Variants in ZNF331 observed in about 807,000 individuals in gnomAD.
ZNF331 encodes the protein C2H2-like zinc finger protein rearranged in thyroid adenomas.
Under a neutral mutation model 7.0 loss-of-function variants are expected in ZNF331, and 2 were observed. That is an observed-to-expected ratio of 0.29 (90% CI 0.12 to 0.90). The LOEUF (loss-of-function observed/expected upper bound fraction) is 0.90, where lower values mean the gene tolerates loss of function less well. ZNF331 is among the 40% of genes least tolerant of loss of function. ZNF331 has a pLI of 0.58. For missense variants in ZNF331, 432 were observed against 587.7 expected, an observed-to-expected ratio of 0.74 and a Z score of 2.74; for synonymous variants, 196 against 205.4, an observed-to-expected ratio of 0.95 and a Z score of 0.39.
intron 2 of ZNF331, chr19:53,555,393 ATGATCGGGCCTTCTGGG>A (rs2089324255): frequency 1.4e-5 from 1 of 73,868 alleles, no homozygotes; most frequent in African/African-American, 5.3e-5. Context: ...GCTGGGATGG[ATGATCGGGCCTTCTGGG>A]TGACGCAGGT....
chr19:53,544,030 C>T (rs755468634), intron 2 of ZNF331, among the ~76,000 whole-genome samples: 5 of 151,706 alleles, frequency 3.3e-5, no homozygotes, highest in East Asian at 1.9e-4. Context: ...AGATCGAGAC[C>T]GTCCTGGCCA....
upstream of ZNF331, among the ~76,000 whole-genome samples, chr19:53,518,443 G>A (rs980403111): frequency 3.9e-5 from 6 of 152,092 alleles, no homozygotes; most frequent in African/African-American, 7.2e-5. Flanking sequence ...CCTTGTGATC[G>A]TCTAAGCCAA....
rs1028758854 is a variant in ZNF331 at position 53,527,018 on chromosome 19, G to A, written c.-205+4334G>A. ...AGCCTGACCAACATGGTGAAACCCC[G>A]TCTCTACTAAAAATACAAAAATTAG... On this transcript the variant is annotated intron_variant, in intron 2 of 6. Coordinates refer to the ZNF331 transcript ENST00000253144. 6.6e-5 allele frequency among the ~76,000 whole-genome samples: 10 copies of A among 151,354 alleles called. No homozygotes were observed. In the South Asian group the frequency reaches 1.7e-3, roughly 25 times the overall value.
the ZNF331 span, among the ~76,000 whole-genome samples, chr19:53,508,211 T>A: frequency 6.6e-6 from 1 of 152,182 alleles, no homozygotes; most frequent in African/African-American, 2.4e-5. Flanking sequence ...TGGTTCTTGG[T>A]GAAAGTTGAT....
intron 2 of ZNF331, among the ~76,000 whole-genome samples, chr19:53,551,581 CAA>C (rs1377381593): frequency 6.6e-6 from 1 of 151,868 alleles, no homozygotes; most frequent in East Asian, 1.9e-4. Flanking sequence ...AACAAATTAT[CAA>C]AAAATATAGT....
At chr19:53,575,674 GTTTTTGTTTTTTGT>G (rs984701225) in intron 5 of ZNF331, among the ~76,000 whole-genome samples, 1 of 149,388 alleles carries the variant, frequency 6.7e-6, no homozygotes, top group East Asian at 2.0e-4. Flanking sequence ...GGGTTTGTTT[GTTTTTGTTTTTTGT>G]TTTTTGTTTT....
At chr19:53,541,679 A>G (rs1245577223) in intron 2 of ZNF331, among the ~76,000 whole-genome samples, 2 of 152,156 alleles carry the variant, frequency 1.3e-5, no homozygotes, top group African/African-American at 4.8e-5. Flanking sequence ...GTCCCTAAGG[A>G]GCCCTTAAAG....
chr19:53,530,936 A>T (rs2087514385), intron 2 of ZNF331, among the ~76,000 whole-genome samples: 1 of 152,198 alleles, frequency 6.6e-6, no homozygotes, highest in Non-Finnish European at 1.5e-5. Flanking sequence ...GGTCAGCTAC[A>T]CAGTCTATAA....
intron 2 of ZNF331, among the ~76,000 whole-genome samples, chr19:53,525,029 C>T (rs899856084): frequency 6.8e-4 from 103 of 152,306 alleles, no homozygotes; most frequent in African/African-American, 2.4e-3. Context: ...GGAATCCTTT[C>T]CCCATTTCTT....
upstream of ZNF331, among the ~76,000 whole-genome samples, chr19:53,516,827 T>C (rs1019976242): frequency 6.6e-6 from 1 of 152,226 alleles, no homozygotes; most frequent in African/African-American, 2.4e-5. Flanking sequence ...TATTCTACTT[T>C]CTTATTTAAA....
upstream of ZNF331, chr19:53,536,445 A>G (rs1165831592): frequency 1.3e-5 from 2 of 152,344 alleles, no homozygotes; most frequent in Non-Finnish European, 2.9e-5. Context: ...TGCTCAAATT[A>G]TATGTACCAT....
intron 2 of ZNF331, among the ~76,000 whole-genome samples, chr19:53,551,047 G>A (rs535689626): frequency 1.2e-4 from 18 of 149,984 alleles, no homozygotes; most frequent in African/African-American, 4.2e-4. Context: ...TGGTCAGGCT[G>A]GTGTCGAACT....
chr19:53,509,948 G>A, the ZNF331 span, among the ~76,000 whole-genome samples: 1 of 152,160 alleles, frequency 6.6e-6, no homozygotes, highest in Non-Finnish European at 1.5e-5. Context: ...GTGAAGAAAA[G>A]CACACACTTC....
At chr19:53,521,136 C>G (rs2147221529) in exon 1 of ZNF331, 1 of 152,314 alleles carries the variant, frequency 6.6e-6, no homozygotes, top group Middle Eastern at 3.4e-3. Flanking sequence ...GCGCCTGAGA[C>G]CTTGTTTCAC....
intron 2 of ZNF331, among the ~76,000 whole-genome samples, chr19:53,548,860 T>A (rs897083295): frequency 1.4e-4 from 21 of 151,900 alleles, no homozygotes; most frequent in African/African-American, 5.1e-4. Flanking sequence ...TCTTCTTTTT[T>A]TTTTTGAGAC....
At chr19:53,545,057 G>A (rs918172319) in intron 2 of ZNF331, among the ~76,000 whole-genome samples, 3 of 152,166 alleles carry the variant, frequency 2.0e-5, no homozygotes, top group Non-Finnish European at 2.9e-5. Flanking sequence ...CACTACTGGT[G>A]TAAGTCAGGT....
chr19:53,531,907 C>T (rs551813315), intron 2 of ZNF331, among the ~76,000 whole-genome samples: 61 of 152,018 alleles, frequency 4.0e-4, no homozygotes, highest in African/African-American at 1.4e-3. Flanking sequence ...ACATATAGTT[C>T]TGTATTTTTC....
At chr19:53,528,794 T>C (rs992760367) in intron 2 of ZNF331, among the ~76,000 whole-genome samples, 3 of 152,156 alleles carry the variant, frequency 2.0e-5, no homozygotes, top group Non-Finnish European at 4.4e-5. Context: ...TATTTCTTTT[T>C]TTTTTTCTGA....
At chr19:53,523,216 T>C (rs548430783) in intron 2 of ZNF331, 2 of 152,074 alleles carry the variant, frequency 1.3e-5, no homozygotes, top group East Asian at 3.9e-4. Context: ...TTTTCAAATA[T>C]ACTATATTTT....
Sources: allele counts gnomAD v4.1 joint callset (sites outside exome capture counted in the v4.1 genomes callset), GRCh38; gene constraint gnomAD v4.1.1; transcripts MANE v1.5; gene names NCBI Gene and HGNC (gene_info 2026-07-23, HGNC 2026-07-21).